Variants in CADPS2 observed in about 807,000 individuals in gnomAD.
The protein encoded by CADPS2 is calcium dependent secretion activator 2.
In CADPS2, 93 loss-of-function variants were observed where a neutral mutation model predicts 172.5. The observed-to-expected ratio is 0.54, with a 90% CI of 0.46 to 0.64. CADPS2 has a LOEUF of 0.64. Ranked by LOEUF, CADPS2 falls within the 30% of genes least tolerant of loss-of-function variation. The pLI, the probability that CADPS2 is intolerant of heterozygous loss-of-function variation, is 0.00. For synonymous variants in CADPS2, 546 were observed against 555.2 expected, an observed-to-expected ratio of 0.98 and a Z score of 0.23; for missense variants, 1,420 against 1,565.9, an observed-to-expected ratio of 0.91 and a Z score of 1.57.
chr7:122,710,948 G>A (rs1002640860), intron 2 of CADPS2, among the ~76,000 whole-genome samples: 5 of 151,990 alleles, frequency 3.3e-5, no homozygotes, highest in African/African-American at 4.8e-5. Context: ...ACTTGCTCAA[G>A]GTCCCTGACA....
chr7:122,812,874 A>G (rs956207277), intron 1 of CADPS2, among the ~76,000 whole-genome samples: 1 of 152,170 alleles, frequency 6.6e-6, no homozygotes, highest in Non-Finnish European at 1.5e-5. Flanking sequence ...GCACTAGTAC[A>G]AACTTACTCT....
intron 16 of CADPS2, chr7:122,440,173 A>C (rs1249467662): frequency 1.3e-5 from 2 of 152,212 alleles, no homozygotes; most frequent in South Asian, 2.1e-4. Flanking sequence ...AGATGTGATC[A>C]GTGACTATAA....
At chr7:122,491,525 A>C (rs1015138528) in intron 9 of CADPS2, 105 bp from the exon 10 acceptor site, 4 of 568,970 alleles carry the variant, frequency 7.0e-6, no homozygotes, top group Non-Finnish European at 1.2e-5. Context: ...AATATAACAT[A>C]ATTTGCACAT....
intron 1 of CADPS2, among the ~76,000 whole-genome samples, chr7:122,834,991 G>A (rs150011555): frequency 6.6e-6 from 1 of 152,188 alleles, no homozygotes; most frequent in African/African-American, 2.4e-5. Flanking sequence ...GCCTCCTCAA[G>A]TGGGTCCCTG....
intron 1 of CADPS2, among the ~76,000 whole-genome samples, chr7:122,853,592 G>A (rs1469081863): frequency 1.3e-5 from 2 of 152,108 alleles, no homozygotes; most frequent in Admixed American, 1.3e-4. Context: ...TCCCCCTATT[G>A]AACCACTTGG....
chr7:122,795,662 C>T (rs1022463361), intron 1 of CADPS2, among the ~76,000 whole-genome samples: 1 of 152,106 alleles, frequency 6.6e-6, no homozygotes, highest in African/African-American at 2.4e-5. Context: ...AAATTCAACA[C>T]CTATTCATGT....
At chr7:122,643,674 G>A (rs1484939416) in intron 3 of CADPS2, among the ~76,000 whole-genome samples, 1 of 151,994 alleles carries the variant, frequency 6.6e-6, no homozygotes, top group Non-Finnish European at 1.5e-5. Context: ...AATTTCTGAG[G>A]GGGCAGAGGG....
At chr7:122,517,405 T>C (rs1048611499) in intron 8 of CADPS2, among the ~76,000 whole-genome samples, 8 of 152,096 alleles carry the variant, frequency 5.3e-5, no homozygotes, top group South Asian at 2.1e-4. Context: ...TCATTTCTCC[T>C]GGGTAAATAC....
rs992860474 is a variant in CADPS2 at position 122,758,334 on chromosome 7, C to T, written c.340-21266G>A. Among the ~76,000 whole-genome samples the T allele has an allele frequency of 3.3e-5, 5 of 152,194 alleles. 1 individual carries two copies. The East Asian group carries it at 7.7e-4, about 24-fold the overall frequency. ...AGTTCAGGCTGAAAATAAAGCAAACCTTTTAGAAGTTGAAGTAGAATATAT... is the reference window on the plus strand; with the variant it reads ...AGTTCAGGCTGAAAATAAAGCAAACTTTTTAGAAGTTGAAGTAGAATATAT... On this transcript the variant is annotated intron_variant, in intron 1 of 29. Coordinates refer to ENST00000449022, the MANE Select transcript of CADPS2 (RefSeq NM_017954.11).
chr7:122,612,766 T>C (rs1484810900), intron 6 of CADPS2, among the ~76,000 whole-genome samples: 2 of 152,086 alleles, frequency 1.3e-5, no homozygotes, highest in African/African-American at 4.8e-5. Flanking sequence ...GGTGAAGGAC[T>C]TGCAATCCTG....
At chr7:122,849,727 C>G in intron 1 of CADPS2, 1 of 386,086 alleles carries the variant, frequency 2.6e-6, no homozygotes, top group Non-Finnish European at 5.0e-6. Flanking sequence ...AAAGCCAATA[C>G]TATTTCTCAG....
intron 3 of CADPS2, among the ~76,000 whole-genome samples, chr7:122,649,343 G>T (rs2078895964): frequency 6.6e-6 from 1 of 151,938 alleles, no homozygotes; most frequent in Admixed American, 6.6e-5. Context: ...GAAAGAATTG[G>T]GTTCCCACAC....
At chr7:122,434,060 C>T (rs2050325079) in intron 17 of CADPS2, among the ~76,000 whole-genome samples, 2 of 152,166 alleles carry the variant, frequency 1.3e-5, no homozygotes, top group African/African-American at 4.8e-5. Context: ...CAACCCTGAA[C>T]TTCTTGTTTG....
intron 6 of CADPS2, among the ~76,000 whole-genome samples, chr7:122,592,693 T>C (rs2071046753): frequency 6.6e-6 from 1 of 152,040 alleles, no homozygotes; most frequent in Non-Finnish European, 1.5e-5. Flanking sequence ...TATGGGGACA[T>C]GGATGAAGGT....
chr7:122,643,862 G>A (rs2077981417), intron 3 of CADPS2, among the ~76,000 whole-genome samples: 1 of 152,098 alleles, frequency 6.6e-6, no homozygotes, highest in African/African-American at 2.4e-5. Context: ...AGGCCGAGGT[G>A]GGTAGATTGC....
chr7:122,354,164 T>A (rs1426024920), intron 27 of CADPS2: 1 of 152,178 alleles, frequency 6.6e-6, no homozygotes, highest in Non-Finnish European at 1.5e-5. Flanking sequence ...GAAATGATTA[T>A]TTCCTACAAT....
chr7:122,841,927 A>G lies in CADPS2; in HGVS notation c.339+44072T>C, dbSNP rs575418951. On this transcript the variant is annotated intron_variant, in intron 1 of 29. Coordinates refer to ENST00000449022, the MANE Select transcript of CADPS2 (RefSeq NM_017954.11). The stretch of plus-strand genomic sequence containing the variant: ...ATAGGAAAGAGATGGGATACTCAAA[A>G]TGGGATAACATGGAGGGTTTCTTTA... 2.0e-5 allele frequency among the ~76,000 whole-genome samples: 3 copies of G among 152,318 alleles called. No homozygotes were observed. The South Asian group carries it at 6.2e-4, about 32-fold the overall frequency.
chr7:122,461,528 T>C (rs541801922), intron 14 of CADPS2, among the ~76,000 whole-genome samples: 4 of 152,274 alleles, frequency 2.6e-5, no homozygotes, highest in African/African-American at 9.6e-5. Flanking sequence ...AAAAAAAGCA[T>C]CCAGAGGAAA....
At chr7:122,568,674 G>C (rs888172488) in intron 7 of CADPS2, among the ~76,000 whole-genome samples, 1 of 152,002 alleles carries the variant, frequency 6.6e-6, no homozygotes, top group South Asian at 2.1e-4. Context: ...TGTAGCTCTA[G>C]ATCTGAAAAT....
Sources: gnomAD v4.1 joint callset for allele counts (sites outside exome capture counted in the v4.1 genomes callset) on GRCh38, gnomAD v4.1.1 for gene constraint, MANE v1.5 for transcripts, NCBI Gene and HGNC (gene_info 2026-07-23, HGNC 2026-07-21) for gene names.